Variants in HSP90AA1 observed in about 807,000 individuals in gnomAD.
The protein encoded by HSP90AA1 is heat shock protein HSP 90-alpha.
HSP90AA1 carries 18 observed loss-of-function variants against 73.3 expected under a neutral mutation model. That is an observed-to-expected ratio of 0.25 (90% CI 0.17 to 0.36). HSP90AA1 has a LOEUF of 0.36. HSP90AA1 is among the 10% of genes least tolerant of loss of function. The probability of loss-of-function intolerance (pLI) is 1.00; values close to 1 mark genes in which losing one functional copy is unlikely to be tolerated. For synonymous variants in HSP90AA1, 477 were observed against 296.9 expected (o/e 1.61, Z -6.24); for missense variants, 704 against 874.2 (o/e 0.81, Z 2.45).
intron 1 of HSP90AA1, among the ~76,000 whole-genome samples, chr14:102,137,804 C>T (rs576429893): frequency 6.6e-6 from 1 of 151,848 alleles, no homozygotes; most frequent in South Asian, 2.1e-4. Context: ...ATCAGCAGGT[C>T]AAGAGATCAA....
intron 1 of HSP90AA1, among the ~76,000 whole-genome samples, chr14:102,123,512 T>C (rs116558109): frequency 0.018 from 2,679 of 147,670 alleles, 87 homozygotes; most frequent in African/African-American, 0.064. Context: ...AGAGTGCTCT[T>C]CAAGTAGTTT....
chr14:102,101,995 C>G, exon 2 of HSP90AA1: 1 of 1,614,094 alleles, frequency 6.2e-7, no homozygotes, highest in Non-Finnish European at 8.5e-7. Flanking sequence ...AGGGCTGTTT[C>G]CAGAGACAGA....
chr14:102,139,495 C>T, exon 1 of HSP90AA1: 1 of 1,359,860 alleles, frequency 7.4e-7, no homozygotes. Flanking sequence ...GTCCCGGCGC[C>T]CCTCAGGGCA....
intron 1 of HSP90AA1, among the ~76,000 whole-genome samples, chr14:102,125,094 C>A (rs900064859): frequency 2.6e-5 from 4 of 152,124 alleles, no homozygotes; most frequent in African/African-American, 9.7e-5. Context: ...TGGGTTCAAG[C>A]GATCCTCCCA....
At chr14:102,124,492 C>A (rs2049817864) in intron 1 of HSP90AA1, among the ~76,000 whole-genome samples, 1 of 152,050 alleles carries the variant, frequency 6.6e-6, no homozygotes, top group South Asian at 2.1e-4. Flanking sequence ...TGTGCCTGGC[C>A]TGAATGCTAC....
chr14:102,110,312 T>C (rs1178269174), intron 1 of HSP90AA1, among the ~76,000 whole-genome samples: 3 of 152,160 alleles, frequency 2.0e-5, no homozygotes, highest in Non-Finnish European at 4.4e-5. Flanking sequence ...AATTTGAACT[T>C]GAGAGAGATG....
At position 102,084,822 on chromosome 14, in the gene HSP90AA1, A is replaced by T. The variant is rs1172317135; in HGVS notation, c.840T>A (p.Ile280=). 1 of 1,607,900 alleles carries T rather than the reference A, an allele frequency of 6.2e-7. No individual in the cohort carries two copies. Among genetic ancestry groups the T allele is most frequent in the Admixed American group, 1.7e-5 (1 of 59,964 alleles). ...CTTCTTGATCGATGTACTTTTCCTT[A>T]ATCTTCTTCTTCTTCTTCTTGTCAC... ...KDGDKKKKKK[I]KEKYIDQEEL... Residue 280 remains isoleucine, a synonymous_variant, in exon 5 of 11, where the codon ATT becomes ATA. Coordinates refer to ENST00000216281, the MANE Select transcript of HSP90AA1 (RefSeq NM_005348.4).
intron 2 of HSP90AA1, 27 bp from the exon 3 acceptor site, chr14:102,086,151 C>A (rs758471197): frequency 5.3e-5 from 86 of 1,613,888 alleles, no homozygotes; most frequent in Admixed American, 5.2e-4. Context: ...TTAATTTAAG[C>A]ATACAGCACC....
chr14:102,101,929 A>C (rs1167494861), exon 2 of HSP90AA1: 3 of 1,614,062 alleles, frequency 1.9e-6, no homozygotes, highest in Non-Finnish European at 2.5e-6. Context: ...GTTGCCCTGC[A>C]CCTTGGCTCT....
chr14:102,119,925 G>A (rs1290081439), intron 1 of HSP90AA1, among the ~76,000 whole-genome samples: 2 of 152,168 alleles, frequency 1.3e-5, no homozygotes, highest in Admixed American at 6.5e-5. Flanking sequence ...TTGGGTTGGA[G>A]AATGAAATTA....
intron 1 of HSP90AA1, among the ~76,000 whole-genome samples, chr14:102,105,654 A>G (rs1480660601): frequency 6.6e-6 from 1 of 152,194 alleles, no homozygotes; most frequent in Non-Finnish European, 1.5e-5. Flanking sequence ...CTTGCCTGCC[A>G]GTGGGGAGTG....
rs190442217 is a variant in HSP90AA1, at chr14:102,137,111, G to T, written c.155+2139C>A. On this transcript the variant is annotated intron_variant, in intron 1 of 11. Transcript: ENST00000334701. ...CGCCTGTAATCCCAGCTATTCGGGA[G>T]ACTGGGGCAGGAGAATTGCTTGAAC... Among the ~76,000 whole-genome samples, 21 of 151,920 alleles carry T rather than the reference G, an allele frequency of 1.4e-4. No homozygotes were observed. The East Asian group carries it at 3.9e-3, about 28-fold the overall frequency.
upstream of HSP90AA1, chr14:102,087,223 A>G: frequency 2.1e-6 from 2 of 939,726 alleles, no homozygotes; most frequent in African/African-American, 1.8e-5. Flanking sequence ...GGGCGCGCGC[A>G]GGCCCTGCTC....
chr14:102,114,240 C>T (rs773653863), intron 1 of HSP90AA1, among the ~76,000 whole-genome samples: 16 of 151,384 alleles, frequency 1.1e-4, no homozygotes, highest in Admixed American at 2.0e-4. Flanking sequence ...CCGCCCACCT[C>T]GGCCTCCCAA....
At chr14:102,102,518 G>A (rs2049507386) in intron 1 of HSP90AA1, among the ~76,000 whole-genome samples, 1 of 152,192 alleles carries the variant, frequency 6.6e-6, no homozygotes, top group African/African-American at 2.4e-5. Context: ...AGTGGCTAAG[G>A]GGAAAATTGA....
chr14:102,101,590 T>C (rs941892883), intron 2 of HSP90AA1, among the ~76,000 whole-genome samples: 3 of 152,232 alleles, frequency 2.0e-5, no homozygotes, highest in Non-Finnish European at 2.9e-5. Context: ...GGATTGTCTT[T>C]CTCTTTTCTC....
rs1467764071 is a variant in HSP90AA1 at position 102,130,270 on chromosome 14, T to C, written c.155+8980A>G. 2.0e-5 allele frequency among the ~76,000 whole-genome samples: 3 copies of C among 152,152 alleles called. No homozygotes were observed. In the East Asian group the frequency reaches 5.8e-4, roughly 29 times the overall value. ...AGACATGAGCCACTGCGCCCGGCCG[T>C]GTGAATATGTTTTGATTTCTCTTGG... On this transcript the variant is annotated intron_variant, in intron 1 of 11. Coordinates refer to the HSP90AA1 transcript ENST00000334701.
In HSP90AA1 at chr14:102,084,730, T is replaced by TCTC; in HGVS notation, c.929_931dup (p.Gly310dup). 1.2e-6 allele frequency: 2 copies of TCTC among 1,614,148 alleles called. No individual in the cohort carries two copies. The highest frequency in any genetic ancestry group is 1.7e-6 in the Non-Finnish European group (2 of 1,180,020). The stretch of plus-strand genomic sequence containing the variant: ...GTCATTGGTCAAGCTCTTATAGAAT[T>TCTC]CTCCGTACTCCTCATTAGTAATATC... On this transcript the variant is annotated inframe_insertion, in exon 5 of 11. Coordinates refer to ENST00000216281, the MANE Select transcript of HSP90AA1 (RefSeq NM_005348.4).
chr14:102,139,713 C>A (rs1455953708), upstream of HSP90AA1: 3 of 743,384 alleles, frequency 4.0e-6, no homozygotes, highest in Non-Finnish European at 6.4e-6. Context: ...GACGCCCAGT[C>A]GGGTGGAGCA....
Sources: allele counts gnomAD v4.1 joint callset (sites outside exome capture counted in the v4.1 genomes callset), GRCh38; gene constraint gnomAD v4.1.1; transcripts MANE v1.5; gene names NCBI Gene and HGNC (gene_info 2026-07-23, HGNC 2026-07-21).